The following KDM4D variants were observed in gnomAD, a reference collection of about 807,000 sequenced individuals.
KDM4D encodes lysine demethylase 4D.
For missense variants in KDM4D, 427 were observed against 674.8 expected (o/e 0.63, Z 4.07); for synonymous variants, 254 against 249.1 (o/e 1.02, Z -0.19).
chr11:94,993,327 G>A (rs1555098875), intron 2 of KDM4D, among the ~76,000 whole-genome samples: 1 of 152,040 alleles, frequency 6.6e-6, no homozygotes, highest in Non-Finnish European at 1.5e-5. Context: ...GATTACTGTG[G>A]GTAAGGGTAA....
intron 2 of KDM4D, among the ~76,000 whole-genome samples, chr11:94,996,710 G>A (rs914599054): frequency 2.0e-5 from 3 of 152,168 alleles, no homozygotes; most frequent in Non-Finnish European, 4.4e-5. Flanking sequence ...AACATTACTG[G>A]ATGTGACTTT....
intron 2 of KDM4D, among the ~76,000 whole-genome samples, chr11:94,991,902 G>C (rs1565419281): frequency 6.6e-6 from 1 of 151,398 alleles, no homozygotes; most frequent in Non-Finnish European, 1.5e-5. Flanking sequence ...TTGATAGAGA[G>C]ACAAACAACC....
rs1253201471 is a variant in KDM4D at position 94,999,008 on chromosome 11, T to G, written c.*64T>G. The G allele has an allele frequency of 2.0e-5, 28 of 1,432,474 alleles. No individual in the cohort carries two copies. The African/African-American group carries it at 3.1e-4, about 16-fold the overall frequency. 88.7% of individuals were successfully genotyped at this position (1,432,474 alleles called of 1,614,324 possible). A position where few individuals can be genotyped will look rare whatever the true frequency, so the allele number is the denominator to read the frequency against. On this transcript the variant is annotated 3_prime_UTR_variant, in exon 3 of 3. Coordinates refer to ENST00000335080, the MANE Select transcript of KDM4D (RefSeq NM_018039.3). ...TGACAGTTTGATGAAACTGGTTACATTTACATCCCAAAACTTTGGTTGAGT... is the reference window on the plus strand; with the variant it reads ...TGACAGTTTGATGAAACTGGTTACAGTTACATCCCAAAACTTTGGTTGAGT...
chr11:94,995,702 C>G (rs1857970138), intron 2 of KDM4D, among the ~76,000 whole-genome samples: 1 of 152,180 alleles, frequency 6.6e-6, no homozygotes, highest in Non-Finnish European at 1.5e-5. Flanking sequence ...TTTTGAGCTT[C>G]CCTTTCCTAG....
chr11:94,994,762 G>A (rs1422310355), intron 2 of KDM4D, among the ~76,000 whole-genome samples: 1 of 151,716 alleles, frequency 6.6e-6, no homozygotes, highest in Non-Finnish European at 1.5e-5. Flanking sequence ...TCAGTAGAAA[G>A]GTGGGGGCAG....
intron 2 of KDM4D, among the ~76,000 whole-genome samples, chr11:94,982,917 G>A (rs1353752264): frequency 1.3e-5 from 2 of 151,968 alleles, no homozygotes; most frequent in Non-Finnish European, 2.9e-5. Context: ...CAGGAGCTAT[G>A]AAAATACACC....
intron 2 of KDM4D, among the ~76,000 whole-genome samples, chr11:94,995,437 AAAG>A (rs797025041): frequency 6.6e-6 from 1 of 152,340 alleles, no homozygotes; most frequent in East Asian, 1.9e-4. Context: ...ACAGGATATG[AAAG>A]AAGATGTGCT....
intron 1 of KDM4D, among the ~76,000 whole-genome samples, chr11:94,974,702 A>G (rs1460282638): frequency 1.3e-5 from 2 of 152,192 alleles, no homozygotes; most frequent in African/African-American, 4.8e-5. Context: ...GCCTACTTAA[A>G]TTCCTTTTCA....
At position 94,997,288 on chromosome 11, in the gene KDM4D, G is replaced by A. The variant is rs1285174961; in HGVS notation, c.-85G>A. ...TCCTGCTACCTCATAGATAACACCAGTCAAATTTTTTTTTAAAGTAGCATT... is the reference window on the plus strand; with the variant it reads ...TCCTGCTACCTCATAGATAACACCAATCAAATTTTTTTTTAAAGTAGCATT... On this transcript the variant is annotated 5_prime_UTR_variant, in exon 3 of 3. Coordinates refer to ENST00000335080, the MANE Select transcript of KDM4D (RefSeq NM_018039.3). The A allele has an allele frequency of 1.9e-5, 22 of 1,130,996 alleles. No homozygotes were observed. Among genetic ancestry groups the A allele is most frequent in the Non-Finnish European group, 2.6e-5 (21 of 815,868 alleles). 70.1% of individuals were successfully genotyped at this position (1,130,996 alleles called of 1,614,324 possible).
Position 94,999,501 on chromosome 11 carries a change from C to G in KDM4D, c.*557C>G, listed in dbSNP as rs1184010021. On this transcript the variant is annotated 3_prime_UTR_variant, in exon 3 of 3. Transcript: ENST00000335080. ...TTGTTCCCAAATATATTAAAGGTAA[C>G]CAAAATGTTAAAATCTGATTTTATT... 1 of 162,332 alleles carries G rather than the reference C, an allele frequency of 6.2e-6. No individual in the cohort carries two copies. The highest frequency in any genetic ancestry group is 2.1e-4 in the South Asian group (1 of 4,818). 10.1% of individuals were successfully genotyped at this position (162,332 alleles called of 1,614,324 possible). A position where few individuals can be genotyped will look rare whatever the true frequency, so the allele number is the denominator to read the frequency against.
At chr11:94,991,424 A>C (rs1857933640) in intron 2 of KDM4D, among the ~76,000 whole-genome samples, 1 of 152,206 alleles carries the variant, frequency 6.6e-6, no homozygotes, top group Non-Finnish European at 1.5e-5. Context: ...TGCAGGGAGA[A>C]AAACAAAACA....
intron 2 of KDM4D, among the ~76,000 whole-genome samples, chr11:94,987,968 G>T (rs1394679440): frequency 2.0e-5 from 3 of 152,118 alleles, no homozygotes; most frequent in Non-Finnish European, 2.9e-5. Context: ...CTGTCTACTG[G>T]TATTTCCAGA....
chr11:94,979,636 T>C (rs1209199746), intron 2 of KDM4D, among the ~76,000 whole-genome samples: 1 of 152,230 alleles, frequency 6.6e-6, no homozygotes, highest in Non-Finnish European at 1.5e-5. Flanking sequence ...GTTTTTGCTT[T>C]ATTCCTCCCA....
At chr11:94,978,947 A>C (rs1322028965) in intron 2 of KDM4D, among the ~76,000 whole-genome samples, 3 of 147,060 alleles carry the variant, frequency 2.0e-5, no homozygotes, top group African/African-American at 8.2e-5. Flanking sequence ...AAAAGTGACA[A>C]ATCTAAAATC....
At chr11:94,994,420 G>A (rs1221412465) in intron 2 of KDM4D, among the ~76,000 whole-genome samples, 1 of 152,004 alleles carries the variant, frequency 6.6e-6, no homozygotes, top group Non-Finnish European at 1.5e-5. Flanking sequence ...TGTTTAAAGG[G>A]AAACAGCATG....
At chr11:94,983,073 G>A (rs1857855421) in intron 2 of KDM4D, among the ~76,000 whole-genome samples, 1 of 151,934 alleles carries the variant, frequency 6.6e-6, no homozygotes, top group Non-Finnish European at 1.5e-5. Flanking sequence ...ATAAGTACAT[G>A]GAGACTTGCC....
intron 2 of KDM4D, among the ~76,000 whole-genome samples, chr11:94,986,373 T>A (rs1857887348): frequency 6.6e-6 from 1 of 152,152 alleles, no homozygotes; most frequent in South Asian, 2.1e-4. Flanking sequence ...GAGGATTGCT[T>A]GAGCCCAGAA....
intron 2 of KDM4D, 44 bp downstream of exon 2, chr11:94,975,792 G>A: frequency 6.6e-6 from 1 of 152,142 alleles, no homozygotes; most frequent in East Asian, 1.9e-4. Flanking sequence ...GATGCACTAT[G>A]AAGTAGAGGA....
chr11:94,987,648 G>A (rs748789109), intron 2 of KDM4D, among the ~76,000 whole-genome samples: 41 of 152,242 alleles, frequency 2.7e-4, no homozygotes, highest in Non-Finnish European at 4.6e-4. Flanking sequence ...GACATACGAG[G>A]AAAACGTTTA....
Sources: gnomAD v4.1 joint callset for allele counts (sites outside exome capture counted in the v4.1 genomes callset) on GRCh38, gnomAD v4.1.1 for gene constraint, MANE v1.5 for transcripts, NCBI Gene and HGNC (gene_info 2026-07-23, HGNC 2026-07-21) for gene names.